Variants in ASTN2 observed in about 807,000 individuals in gnomAD.
The protein encoded by ASTN2 is astrotactin-2.
Under a neutral mutation model 139.8 loss-of-function variants are expected in ASTN2, and 54 were observed. That is an observed-to-expected ratio of 0.39 (90% CI 0.31 to 0.48). The LOEUF is 0.48. Ranked by LOEUF, ASTN2 falls within the 20% of genes least tolerant of loss-of-function variation. The pLI, the probability that ASTN2 is intolerant of heterozygous loss-of-function variation, is 0.95. For synonymous variants in ASTN2, 756 were observed against 719.5 expected, an observed-to-expected ratio of 1.05 and a Z score of -0.81; for missense variants, 1,565 against 1,725.1, an observed-to-expected ratio of 0.91 and a Z score of 1.64.
At chr9:117,265,649 C>T (rs1833924189) in intron 2 of ASTN2, among the ~76,000 whole-genome samples, 1 of 152,116 alleles carries the variant, frequency 6.6e-6, no homozygotes, top group South Asian at 2.1e-4. Context: ...AACAAACTCA[C>T]CAACCAATTA....
chr9:116,642,087 C>T (rs1176753499), intron 17 of ASTN2, among the ~76,000 whole-genome samples: 1 of 125,144 alleles, frequency 8.0e-6, no homozygotes, highest in African/African-American at 3.1e-5. Flanking sequence ...TCATTTTGTA[C>T]CAGAATTACC....
intron 17 of ASTN2, among the ~76,000 whole-genome samples, chr9:116,647,514 G>C (rs1857657170): frequency 6.6e-6 from 1 of 152,158 alleles, no homozygotes; most frequent in Non-Finnish European, 1.5e-5. Flanking sequence ...ATGATGCTGA[G>C]GGAACCTGGC....
At chr9:117,248,227 G>A (rs957218723) in intron 2 of ASTN2, among the ~76,000 whole-genome samples, 12 of 152,178 alleles carry the variant, frequency 7.9e-5, no homozygotes, top group African/African-American at 2.7e-4. Flanking sequence ...AGGAAGCTTC[G>A]AATGGTGAGT....
At chr9:117,056,405 C>A (rs989866612) in intron 5 of ASTN2, among the ~76,000 whole-genome samples, 8 of 152,116 alleles carry the variant, frequency 5.3e-5, no homozygotes, top group African/African-American at 1.9e-4. Context: ...ATTTCCCACA[C>A]ACATGGTATG....
intron 2 of ASTN2, among the ~76,000 whole-genome samples, chr9:117,274,535 G>A (rs972686791): frequency 6.6e-6 from 1 of 152,214 alleles, no homozygotes; most frequent in Non-Finnish European, 1.5e-5. Flanking sequence ...CATTGTGCCT[G>A]CTTTATCTCA....
At chr9:116,513,672 C>T (rs1219652903) in intron 19 of ASTN2, among the ~76,000 whole-genome samples, 5 of 152,190 alleles carry the variant, frequency 3.3e-5, no homozygotes, top group Admixed American at 6.5e-5. Context: ...CACATAGTCC[C>T]ATATTTCTTG....
At chr9:117,162,390 GAT>G (rs1467296793) in intron 3 of ASTN2, among the ~76,000 whole-genome samples, 1 of 152,014 alleles carries the variant, frequency 6.6e-6, no homozygotes, top group African/African-American at 2.4e-5. Context: ...TATGGAATGA[GAT>G]GGGCTGGCCA....
intron 10 of ASTN2, among the ~76,000 whole-genome samples, chr9:116,933,019 A>G (rs904803309): frequency 1.3e-5 from 2 of 151,540 alleles, no homozygotes; most frequent in African/African-American, 2.4e-5. Context: ...AAAAAAAAAA[A>G]AAAAAAAAAA....
chr9:116,766,587 TAAAC>T (rs1829815436), intron 13 of ASTN2, among the ~76,000 whole-genome samples: 1 of 151,416 alleles, frequency 6.6e-6, no homozygotes, highest in African/African-American at 2.4e-5. Context: ...CTCATACACC[TAAAC>T]AGTCACATCA....
chr9:116,647,908 T>C (rs1407837966), intron 17 of ASTN2, among the ~76,000 whole-genome samples: 1 of 152,132 alleles, frequency 6.6e-6, no homozygotes, highest in African/African-American at 2.4e-5. Flanking sequence ...GACCTCCTCC[T>C]TGAGCGCTTG....
chr9:116,921,408 G>A (rs1834600712), intron 10 of ASTN2, among the ~76,000 whole-genome samples: 2 of 151,108 alleles, frequency 1.3e-5, no homozygotes. Context: ...CTAACACGGT[G>A]AAACTCTGTC....
At chr9:117,090,559 C>T (rs555049751) in intron 5 of ASTN2, among the ~76,000 whole-genome samples, 1 of 152,290 alleles carries the variant, frequency 6.6e-6, no homozygotes, top group South Asian at 2.1e-4. Flanking sequence ...GGGATTTGAG[C>T]TGATTTAGTT....
At chr9:117,297,485 G>A (rs1834765058) in intron 1 of ASTN2, among the ~76,000 whole-genome samples, 1 of 152,174 alleles carries the variant, frequency 6.6e-6, no homozygotes, top group African/African-American at 2.4e-5. Flanking sequence ...ATGGGCTATT[G>A]CAAATGGTTC....
At chr9:117,096,476 A>G (rs190717429) in intron 4 of ASTN2, among the ~76,000 whole-genome samples, 77 of 152,336 alleles carry the variant, frequency 5.1e-4, no homozygotes, top group African/African-American at 1.8e-3. Flanking sequence ...GATGTAATAT[A>G]TAAAATACCT....
intron 13 of ASTN2, among the ~76,000 whole-genome samples, chr9:116,796,637 A>G (rs1830697146): frequency 6.6e-6 from 1 of 152,182 alleles, no homozygotes; most frequent in Non-Finnish European, 1.5e-5. Context: ...GTAGAATTGC[A>G]GTTGTCAGGA....
At chr9:116,649,550 GGCA>G (rs1857789001) in intron 17 of ASTN2, among the ~76,000 whole-genome samples, 2 of 145,466 alleles carry the variant, frequency 1.4e-5, no homozygotes, top group African/African-American at 5.1e-5. Flanking sequence ...CTCCAGCCTG[GGCA>G]ACAAGAACAA....
chr9:116,615,947 A>T (rs939308125), intron 19 of ASTN2, among the ~76,000 whole-genome samples: 4 of 152,146 alleles, frequency 2.6e-5, no homozygotes, highest in East Asian at 3.8e-4. Flanking sequence ...AACAACATAC[A>T]ATTAGCATCA....
chr9:116,905,901 C>A (rs994959497), intron 10 of ASTN2, among the ~76,000 whole-genome samples: 2 of 151,026 alleles, frequency 1.3e-5, no homozygotes, highest in Non-Finnish European at 2.9e-5. Flanking sequence ...GTTTAAGAGC[C>A]TAGGAGTCAG....
chr9:117,057,315 C>T (rs1412824163), intron 5 of ASTN2, among the ~76,000 whole-genome samples: 1 of 152,130 alleles, frequency 6.6e-6, no homozygotes, highest in Non-Finnish European at 1.5e-5. Context: ...AAATGGAAGG[C>T]CACAGATTAT....
Sources: allele counts gnomAD v4.1 joint callset (sites outside exome capture counted in the v4.1 genomes callset), GRCh38; gene constraint gnomAD v4.1.1; transcripts MANE v1.5; gene names NCBI Gene and HGNC (gene_info 2026-07-23, HGNC 2026-07-21).